Variants in CELF5 observed in about 807,000 individuals in gnomAD.
The protein encoded by CELF5 is CUGBP Elav-like family member 5, also known as CUG-BP and ETR-3 like factor 5.
CELF5 carries 6 observed loss-of-function variants against 54.9 expected under a neutral mutation model. The observed-to-expected ratio is 0.11, with a 90% CI of 0.06 to 0.22. CELF5 has a LOEUF of 0.22. CELF5 is among the 10% of genes least tolerant of loss of function. The pLI is 1.00. For missense variants in CELF5, 401 were observed against 678.6 expected, an observed-to-expected ratio of 0.59 and a Z score of 4.54; for synonymous variants, 271 against 290.9, an observed-to-expected ratio of 0.93 and a Z score of 0.70.
chr19:3,274,768 C>T (rs1232561086), intron 3 of CELF5, among the ~76,000 whole-genome samples: 1 of 152,112 alleles, frequency 6.6e-6, no homozygotes, highest in Non-Finnish European at 1.5e-5. Flanking sequence ...GTTAGGATAC[C>T]TAGGTATATG....
At chr19:3,249,715 C>T (rs777595814) in intron 1 of CELF5, among the ~76,000 whole-genome samples, 11 of 152,236 alleles carry the variant, frequency 7.2e-5, no homozygotes, top group Non-Finnish European at 1.2e-4. Flanking sequence ...CATCCATTGG[C>T]TGGTCCAACT....
At position 3,268,916 on chromosome 19, in the gene CELF5, C is replaced by T. The variant is rs955358751; in HGVS notation, c.343-4956C>T. ...GTTCAGGGGGCCATGGCAGGAGGAG[C>T]GGGGAGGAATGACTGGGGCTGAGCA... is the stretch of plus-strand genomic sequence containing the variant. On this transcript the variant is annotated intron_variant, in intron 2 of 12. Transcript: ENST00000292672. The surrounding 1 kb of genome is among the most constrained non-coding windows in gnomAD (Gnocchi z 4.4). Among the ~76,000 whole-genome samples the T allele has an allele frequency of 3.3e-5, 5 of 151,044 alleles. No homozygotes were observed. Among genetic ancestry groups the T allele is most frequent in the Non-Finnish European group, 7.4e-5 (5 of 67,838 alleles).
chr19:3,250,106 T>C (rs2079627483), intron 1 of CELF5, among the ~76,000 whole-genome samples: 1 of 152,200 alleles, frequency 6.6e-6, no homozygotes, highest in Non-Finnish European at 1.5e-5. Flanking sequence ...TCCCAAAACA[T>C]GGTGGCTTCA....
At chr19:3,233,140 A>G (rs1461427039) in intron 1 of CELF5, among the ~76,000 whole-genome samples, 2 of 151,580 alleles carry the variant, frequency 1.3e-5, no homozygotes, top group Non-Finnish European at 2.9e-5. Flanking sequence ...TTTTTAAAAA[A>G]GCTGCACGTG....
intron 3 of CELF5, 38 bp downstream of exon 3, chr19:3,273,961 C>T (rs200547269): frequency 2.5e-4 from 394 of 1,595,574 alleles, no homozygotes; most frequent in Non-Finnish European, 3.0e-4. Flanking sequence ...TGGGGGTTGG[C>T]GGAGGAATGG....
intron 10 of CELF5, among the ~76,000 whole-genome samples, chr19:3,289,115 G>A (rs2080299539): frequency 2.6e-5 from 4 of 152,282 alleles, no homozygotes; most frequent in Middle Eastern, 3.4e-3. Context: ...TTAATTATCT[G>A]TAGTTTTAGG....
intron 2 of CELF5, among the ~76,000 whole-genome samples, chr19:3,261,243 C>A (rs957747725): frequency 6.6e-6 from 1 of 151,938 alleles, no homozygotes; most frequent in African/African-American, 2.4e-5. Flanking sequence ...CATAATGAAA[C>A]CCCTTGTCTA....
At chr19:3,263,509 C>T (rs1005513728) in intron 2 of CELF5, among the ~76,000 whole-genome samples, 2 of 151,864 alleles carry the variant, frequency 1.3e-5, no homozygotes, top group African/African-American at 2.4e-5. Context: ...TGCAGTGAGC[C>T]GAGATTGTGC....
At chr19:3,276,475 C>T (rs934490837) in intron 4 of CELF5, among the ~76,000 whole-genome samples, 4 of 107,590 alleles carry the variant, frequency 3.7e-5, no homozygotes, top group Admixed American at 2.5e-4. Context: ...GGACTGGCTC[C>T]AGGGGGAGAG....
Position 3,261,142 on chromosome 19 carries a change from G to A in CELF5, c.342+10075G>A, listed in dbSNP as rs571077349. ...CTGATAGAAATTAAATGTCCAGGTCGGGTGCAGTGGTTCATGCCTGTAATC... is the reference window on the plus strand; with the variant it reads ...CTGATAGAAATTAAATGTCCAGGTCAGGTGCAGTGGTTCATGCCTGTAATC... On this transcript the variant is annotated intron_variant, in intron 2 of 12. Transcript: ENST00000292672. Among the ~76,000 whole-genome samples, 14 of 152,120 alleles carry A rather than the reference G, an allele frequency of 9.2e-5. No individual in the cohort carries two copies. The East Asian group carries it at 2.3e-3, about 25-fold the overall frequency.
At chr19:3,286,145 G>A (rs2080245125) in intron 10 of CELF5, 120 bp downstream of exon 10, 1 of 817,246 alleles carries the variant, frequency 1.2e-6, no homozygotes, top group African/African-American at 1.8e-5. Context: ...GCGGCCTGGG[G>A]GCTGGACAGG....
intron 2 of CELF5, among the ~76,000 whole-genome samples, chr19:3,270,275 G>C (rs989989142): frequency 3.3e-5 from 5 of 152,160 alleles, no homozygotes; most frequent in Non-Finnish European, 7.3e-5. Flanking sequence ...GGCACAGCAG[G>C]AATACTGCTG....
chr19:3,285,013 C>A, intron 9 of CELF5, 49 bp downstream of exon 9: 2 of 1,455,492 alleles, frequency 1.4e-6, no homozygotes, highest in Non-Finnish European at 1.9e-6. Flanking sequence ...CCGCCCCCGC[C>A]TAGGGCCCCG....
chr19:3,244,767 G>T (rs935046727), intron 1 of CELF5, among the ~76,000 whole-genome samples: 1 of 150,646 alleles, frequency 6.6e-6, no homozygotes, highest in Non-Finnish European at 1.5e-5. Context: ...GTGTGTGCAT[G>T]CATCTATGCG....
rs945868924 is a variant in CELF5 at position 3,225,676 on chromosome 19, G to A, written c.259+678G>A. The A allele has an allele frequency of 1.9e-4, 160 of 845,308 alleles. 1 individual carries two copies. In the Middle Eastern group the frequency reaches 3.6e-3, roughly 19 times the overall value. 52.4% of individuals were successfully genotyped at this position (845,308 alleles called of 1,614,324 possible). A position where few individuals can be genotyped will look rare whatever the true frequency, so the allele number is the denominator to read the frequency against. On this transcript the variant is annotated intron_variant, in intron 1 of 12. Coordinates refer to ENST00000292672, the MANE Select transcript of CELF5 (RefSeq NM_021938.4). ...CGGCTCGGGGGGACGCGCCCGCCTC[G>A]CCTGCCTCGGGTGGCGGAGAGGCTC...
chr19:3,273,100 C>T (rs1472156849), intron 2 of CELF5, among the ~76,000 whole-genome samples: 2 of 152,146 alleles, frequency 1.3e-5, no homozygotes, highest in Non-Finnish European at 2.9e-5. Flanking sequence ...CCCAAAGCTC[C>T]TGGGAGATGT....
intron 1 of CELF5, among the ~76,000 whole-genome samples, chr19:3,244,579 T>G (rs1273282565): frequency 6.6e-6 from 1 of 151,344 alleles, no homozygotes; most frequent in Non-Finnish European, 1.5e-5. Context: ...GTGTGGTATG[T>G]GCATGCATCT....
At position 3,281,375 on chromosome 19, in the gene CELF5, C is replaced by T. The variant is rs758916882; in HGVS notation, c.750+30C>T. 2.1e-5 allele frequency: 33 copies of T among 1,580,734 alleles called. No individual in the cohort carries two copies. The East Asian group carries it at 7.2e-4, about 35-fold the overall frequency. On this transcript the variant is annotated intron_variant, in intron 6 of 12. Transcript: ENST00000292672. This position sits in a 1 kb window ranked among gnomAD's most constrained non-coding sequence, Gnocchi z 6.5. ...GTGACCCAGTGACAGCTTCGGGGCT[C>T]CGGCTCCGTCTCTCTCAGTCTCTGT...
At chr19:3,273,957 T>A (rs201786184) in intron 3 of CELF5, 34 bp downstream of exon 3, 99 of 1,601,718 alleles carry the variant, frequency 6.2e-5, no homozygotes, top group Non-Finnish European at 8.0e-5. Context: ...AGGCTGGGGG[T>A]TGGCGGAGGA....
Sources: allele counts gnomAD v4.1 joint callset (sites outside exome capture counted in the v4.1 genomes callset), GRCh38; gene constraint gnomAD v4.1.1; non-coding constraint Gnocchi (gnomAD v3.1); transcripts MANE v1.5; gene names NCBI Gene and HGNC (gene_info 2026-07-23, HGNC 2026-07-21).